Variants in SIPA1L1 observed in about 807,000 individuals in gnomAD.
SIPA1L1 encodes signal-induced proliferation-associated 1-like protein 1.
A neutral mutation model predicts 162.7 loss-of-function variants in SIPA1L1; 26 were observed. That is an observed-to-expected ratio of 0.16 (90% CI 0.12 to 0.22). The LOEUF is 0.22. Ranked by LOEUF, SIPA1L1 falls within the 10% of genes least tolerant of loss-of-function variation. The pLI, the probability that SIPA1L1 is intolerant of heterozygous loss-of-function variation, is 1.00. For missense variants in SIPA1L1, 1,874 were observed against 2,241.0 expected, an observed-to-expected ratio of 0.84 and a Z score of 3.31; for synonymous variants, 829 against 837.4, an observed-to-expected ratio of 0.99 and a Z score of 0.17.
intron 2 of SIPA1L1, among the ~76,000 whole-genome samples, chr14:71,485,340 G>T (rs141831158): frequency 1.3e-5 from 2 of 152,212 alleles, no homozygotes; most frequent in Non-Finnish European, 2.9e-5. Flanking sequence ...ACTGGGCTGC[G>T]TAGCAGGAGG....
intron 2 of SIPA1L1, among the ~76,000 whole-genome samples, chr14:71,387,205 G>A (rs898994510): frequency 1.6e-5 from 2 of 123,232 alleles, no homozygotes; most frequent in South Asian, 2.7e-4. Flanking sequence ...CTGAGATCGC[G>A]CCATTGCACT....
intron 2 of SIPA1L1, among the ~76,000 whole-genome samples, chr14:71,486,159 A>G (rs1430428572): frequency 6.6e-6 from 1 of 152,246 alleles, no homozygotes; most frequent in African/African-American, 2.4e-5. Flanking sequence ...CCCTAAATGT[A>G]TTTGCAACTG....
intron 2 of SIPA1L1, among the ~76,000 whole-genome samples, chr14:71,431,838 A>C (rs1240856538): frequency 1.3e-5 from 2 of 152,220 alleles, no homozygotes; most frequent in African/African-American, 4.8e-5. Flanking sequence ...CAGAAAAGGC[A>C]GATTAATTGG....
chr14:71,506,204 T>C (rs764628259), intron 2 of SIPA1L1, among the ~76,000 whole-genome samples: 6 of 152,174 alleles, frequency 3.9e-5, no homozygotes, highest in Non-Finnish European at 5.9e-5. Context: ...ATTGACTTGT[T>C]TCCAGATTAT....
At chr14:71,572,642 C>A (rs556068849) in intron 4 of SIPA1L1, among the ~76,000 whole-genome samples, 4 of 152,182 alleles carry the variant, frequency 2.6e-5, no homozygotes, top group Non-Finnish European at 5.9e-5. Context: ...TGAGAAGAGC[C>A]CTAGGAGAGA....
At chr14:71,711,883 AGAGCTTCTCACCCACTCATTT>A (rs1220142909) in intron 17 of SIPA1L1, among the ~76,000 whole-genome samples, 12 of 152,362 alleles carry the variant, frequency 7.9e-5, no homozygotes, top group African/African-American at 2.9e-4. Context: ...GGAGGGTGGC[AGAGCTTCTCACCCACTCATTT>A]GAGTCACATT....
chr14:71,609,315 C>T lies in SIPA1L1; in HGVS notation c.1499-9442C>T, dbSNP rs148633076. ...ACTGGGTCTTGCTCTGTCACCCAGG[C>T]TGGAGTGTAGTGGCATAATCACAGC... On this transcript the variant is annotated intron_variant, in intron 5 of 23. Coordinates refer to ENST00000381232, the MANE Select transcript of SIPA1L1 (RefSeq NM_001386936.1). 2.3e-3 allele frequency among the ~76,000 whole-genome samples: 350 copies of T among 152,232 alleles called. 3 individuals carry two copies. Among genetic ancestry groups the T allele is most frequent in the African/African-American group, 7.8e-3 (323 of 41,560 alleles).
At chr14:71,668,203 A>G (rs1440961734) in intron 10 of SIPA1L1, among the ~76,000 whole-genome samples, 2 of 152,188 alleles carry the variant, frequency 1.3e-5, no homozygotes, top group African/African-American at 2.4e-5. Context: ...TAGCCTCATC[A>G]TCTCTTAGGC....
chr14:71,360,811 G>C (rs978777360), intron 2 of SIPA1L1, among the ~76,000 whole-genome samples: 1 of 152,108 alleles, frequency 6.6e-6, no homozygotes, highest in Non-Finnish European at 1.5e-5. Context: ...GTATCTACTT[G>C]ATCTGTTCTA....
At chr14:71,727,654 T>C (rs1290251796) in intron 19 of SIPA1L1, among the ~76,000 whole-genome samples, 2 of 152,112 alleles carry the variant, frequency 1.3e-5, no homozygotes, top group South Asian at 4.2e-4. Flanking sequence ...CCAGGTGTGA[T>C]CCCACTTCCA....
At chr14:71,567,696 A>G (rs150889783) in intron 4 of SIPA1L1, among the ~76,000 whole-genome samples, 33 of 150,560 alleles carry the variant, frequency 2.2e-4, no homozygotes, top group African/African-American at 7.6e-4. Context: ...AGATGTTGCC[A>G]TGGCATTTGT....
intron 2 of SIPA1L1, among the ~76,000 whole-genome samples, chr14:71,510,159 C>T (rs1396698935): frequency 3.3e-5 from 5 of 149,990 alleles, no homozygotes; most frequent in Admixed American, 3.3e-4. Context: ...CATGCTAGTT[C>T]CCCTTAATCC....
chr14:71,598,794 A>G (rs559740275), intron 5 of SIPA1L1, among the ~76,000 whole-genome samples: 3 of 152,296 alleles, frequency 2.0e-5, no homozygotes, highest in South Asian at 2.1e-4. Context: ...TATCATTTCT[A>G]TGTGTTGGGG....
Position 71,671,485 on chromosome 14 carries a change from A to G in SIPA1L1, c.2622A>G (p.Leu874=), listed in dbSNP as rs752698892. The G allele has an allele frequency of 6.2e-7, 1 of 1,614,186 alleles. No individual in the cohort carries two copies. The highest frequency in any genetic ancestry group is 8.5e-7 in the Non-Finnish European group (1 of 1,180,026). ...RAEDYNKAME[L]DCLLGISNEF... ...AAGACTACAACAAGGCCATGGAACT[A>G]GACTGCCTTTTAGGGATCTCCAATG... Residue 874 remains leucine (L), a synonymous_variant, in exon 11 of 24, where the codon CTA becomes CTG. Transcript: ENST00000381232.
intron 5 of SIPA1L1, 60 bp downstream of exon 5, chr14:71,589,430 C>T: frequency 9.8e-7 from 1 of 1,016,510 alleles, no homozygotes; most frequent in South Asian, 1.6e-5. Context: ...AAGAAAAGTA[C>T]TGTATATTAA....
intron 3 of SIPA1L1, among the ~76,000 whole-genome samples, chr14:71,516,316 C>G (rs2051724773): frequency 6.6e-6 from 1 of 152,242 alleles, no homozygotes; most frequent in African/African-American, 2.4e-5. Flanking sequence ...TTGATACACT[C>G]TACTTGATCT....
intron 4 of SIPA1L1, among the ~76,000 whole-genome samples, chr14:71,578,518 A>G (rs1435845274): frequency 6.6e-6 from 1 of 152,212 alleles, no homozygotes; most frequent in Admixed American, 6.5e-5. Context: ...CCAGAACTTG[A>G]CTAATAGCCT....
chr14:71,477,448 G>A (rs1340771760), intron 2 of SIPA1L1, among the ~76,000 whole-genome samples: 1 of 151,912 alleles, frequency 6.6e-6, no homozygotes, highest in African/African-American at 2.4e-5. Context: ...GTTCTCTCTG[G>A]GATGGTGTCA....
At chr14:71,711,174 A>G (rs2082851179) in intron 17 of SIPA1L1, among the ~76,000 whole-genome samples, 1 of 152,234 alleles carries the variant, frequency 6.6e-6, no homozygotes, top group South Asian at 2.1e-4. Flanking sequence ...GAAATTGGGA[A>G]AGTAGTCTCA....
Sources: allele counts gnomAD v4.1 joint callset (sites outside exome capture counted in the v4.1 genomes callset), GRCh38; gene constraint gnomAD v4.1.1; transcripts MANE v1.5; gene names NCBI Gene and HGNC (gene_info 2026-07-23, HGNC 2026-07-21).